ASTN1: variants seen among roughly 807,000 people sequenced by gnomAD.
The protein encoded by ASTN1 is astrotactin-1.
A neutral mutation model predicts 140.7 loss-of-function variants in ASTN1; 41 were observed. The ratio of observed to expected loss-of-function variants is 0.29; its 90% CI spans 0.23 to 0.38. ASTN1 has a LOEUF of 0.38. ASTN1 is among the 10% of genes least tolerant of loss of function. The pLI, the probability that ASTN1 is intolerant of heterozygous loss-of-function variation, is 1.00. For missense variants in ASTN1, 1,479 were observed against 1,678.8 expected (o/e 0.88, Z 2.08); for synonymous variants, 640 against 652.2 (o/e 0.98, Z 0.29).
rs78936500 is a variant in ASTN1 at position 177,091,319 on chromosome 1, A to T, written c.284-30054T>A. 7.7e-3 allele frequency among the ~76,000 whole-genome samples: 1,178 copies of T among 152,280 alleles called. 17 individuals are homozygous for T. The highest frequency in any genetic ancestry group is 0.027 in the African/African-American group (1,123 of 41,556). ...TTGACTCACATCAGGCTTCCTGTGA[A>T]CTAAAGCCTGGAATTATTTTTATAG... On this transcript the variant is annotated intron_variant, in intron 1 of 22. Coordinates refer to ENST00000361833, the MANE Select transcript of ASTN1 (RefSeq NM_004319.3).
At chr1:177,152,746 T>G (rs1335437800) in intron 1 of ASTN1, among the ~76,000 whole-genome samples, 1 of 152,116 alleles carries the variant, frequency 6.6e-6, no homozygotes, top group Non-Finnish European at 1.5e-5. Flanking sequence ...AGTTAAAGTT[T>G]ATACGGAAAA....
chr1:176,972,537 C>T (rs1313967061), intron 8 of ASTN1, among the ~76,000 whole-genome samples: 1 of 151,992 alleles, frequency 6.6e-6, no homozygotes, highest in Non-Finnish European at 1.5e-5. Flanking sequence ...CTCACTCTGT[C>T]ACCCATGCCA....
chr1:177,072,195 A>G (rs1423523599), intron 1 of ASTN1, among the ~76,000 whole-genome samples: 1 of 152,214 alleles, frequency 6.6e-6, no homozygotes, highest in Non-Finnish European at 1.5e-5. Context: ...TGAATTAGGT[A>G]TACAGAAGAT....
At chr1:176,910,562 C>G (rs1321057535) in intron 16 of ASTN1, among the ~76,000 whole-genome samples, 1 of 152,222 alleles carries the variant, frequency 6.6e-6, no homozygotes, top group East Asian at 1.9e-4. Flanking sequence ...AATATAAGCA[C>G]AGTCACACAT....
rs112390178 is a variant in ASTN1 at position 177,007,391 on chromosome 1, C to CAAA, written c.1523+7397_1523+7399dup. Among the ~76,000 whole-genome samples, 417 of 149,504 alleles carry CAAA rather than the reference C, an allele frequency of 2.8e-3. 3 individuals carry two copies. Among genetic ancestry groups the CAAA allele is most frequent in the African/African-American group, 9.2e-3 (375 of 40,910 alleles). On this transcript the variant is annotated intron_variant, in intron 8 of 22. Transcript: ENST00000361833. Reference sequence around the variant, plus strand: ...GGGCAACAAGAGTGAAATGCCGTCTCAAAAAAAAAATTAATAAAATGCAAG... The same window carrying CAAA: ...GGGCAACAAGAGTGAAATGCCGTCTCAAAAAAAAAAAAATTAATAAAATGCAAG...
At chr1:177,004,238 A>T (rs1379682168) in intron 8 of ASTN1, among the ~76,000 whole-genome samples, 4 of 152,114 alleles carry the variant, frequency 2.6e-5, no homozygotes, top group African/African-American at 4.8e-5. Flanking sequence ...CAAAAAAAAA[A>T]TACCTAGGAA....
chr1:177,077,459 G>A (rs778315739), intron 1 of ASTN1, among the ~76,000 whole-genome samples: 3 of 152,006 alleles, frequency 2.0e-5, no homozygotes, highest in Admixed American at 6.6e-5. Flanking sequence ...TGTCTTGAAC[G>A]GGTTATTTAA....
chr1:177,070,570 T>C (rs568729840), intron 1 of ASTN1, among the ~76,000 whole-genome samples: 64 of 50,096 alleles, frequency 1.3e-3, no homozygotes, highest in Admixed American at 3.8e-3. Flanking sequence ...AAGATTCAAC[T>C]CAACAAGTAA....
Position 176,884,490 on chromosome 1 carries a change from C to A in ASTN1, c.3075G>T (p.Val1025=). Residue 1025 remains valine, a splice_region_variant and synonymous_variant, in exon 19 of 23, where the codon GTG becomes GTT. Coordinates refer to ENST00000361833, the MANE Select transcript of ASTN1 (RefSeq NM_004319.3). ...LPTCAPLPQP[V]LRLSTVHEPS... is the part of the protein sequence containing the mutation. The stretch of plus-strand genomic sequence containing the variant: ...GCTCGTGAACCGTGGAGAGTCTCAG[C>A]CTGTGTGCAGACAGGAAGGAACATG... 1 of 1,607,614 alleles carries A rather than the reference C, an allele frequency of 6.2e-7. No homozygotes were observed.
chr1:177,151,811 C>T (rs996432155), intron 1 of ASTN1, among the ~76,000 whole-genome samples: 20 of 152,134 alleles, frequency 1.3e-4, no homozygotes, highest in African/African-American at 4.8e-4. Context: ...ACTCAATTAA[C>T]TCTGTAGCCC....
chr1:177,079,772 C>T (rs1248943435), intron 1 of ASTN1, among the ~76,000 whole-genome samples: 1 of 152,086 alleles, frequency 6.6e-6, no homozygotes, highest in Non-Finnish European at 1.5e-5. Context: ...CACACCCCCA[C>T]TGAAAAGATA....
At position 176,945,959 on chromosome 1, in the gene ASTN1, A is replaced by C; in HGVS notation, c.2216T>G (p.Val739Gly). 1 of 1,613,540 alleles carries C rather than the reference A, an allele frequency of 6.2e-7. No homozygotes were observed. Among genetic ancestry groups the C allele is most frequent in the Non-Finnish European group, 8.5e-7 (1 of 1,179,604 alleles). The change falls in exon 13 of 23, where the codon GTG (valine) becomes GGG (glycine). Residue 739 changes from valine (V) to glycine (G), a missense_variant. Val to Gly is a moderately radical substitution (Grantham distance 109, BLOSUM62 -3). Around this residue, in one of 3 missense-constraint regions of ASTN1, gnomAD observed 746 missense variants for 800.9 expected, o/e 0.93. Coordinates refer to ENST00000361833, the MANE Select transcript of ASTN1 (RefSeq NM_004319.3). Reference sequence around the variant, plus strand: ...TCCTTTCAGCACCTGTCCGGCAGCCACTTCCTTGGAATGGTTGTTGTAACC... The same window carrying C: ...TCCTTTCAGCACCTGTCCGGCAGCCCCTTCCTTGGAATGGTTGTTGTAACC... ...FFGYNNHSKE[V>G]AAGQVLKGTF...
In ASTN1 at chr1:177,009,014, C is replaced by T. The variant is rs141259636; in HGVS notation, c.1523+5777G>A. Among the ~76,000 whole-genome samples the T allele has an allele frequency of 8.5e-4, 130 of 152,254 alleles. No individual in the cohort carries two copies. In the Middle Eastern group the frequency reaches 0.034, roughly 40 times the overall value. ...GAAATAGGCAAAGAGTCAGAAATTT[C>T]CTATGTCACAGCAGACTGTCTGACC... On this transcript the variant is annotated intron_variant, in intron 8 of 22. Coordinates refer to ENST00000361833, the MANE Select transcript of ASTN1 (RefSeq NM_004319.3).
At chr1:176,912,871 A>T (rs1489501468) in intron 16 of ASTN1, among the ~76,000 whole-genome samples, 1 of 152,216 alleles carries the variant, frequency 6.6e-6, no homozygotes, top group Non-Finnish European at 1.5e-5. Context: ...TGTTTTCACA[A>T]GTCAAGCACA....
chr1:176,972,936 C>T (rs917855156), intron 8 of ASTN1, among the ~76,000 whole-genome samples: 1 of 152,026 alleles, frequency 6.6e-6, no homozygotes, highest in East Asian at 1.9e-4. Flanking sequence ...TATCCACTTC[C>T]CTCCTTGCTA....
rs540707293 is a variant in ASTN1, at chr1:176,885,322, T to A, written c.3075-832A>T. On this transcript the variant is annotated intron_variant, in intron 18 of 22. Transcript: ENST00000361833. Reference sequence around the variant, plus strand: ...CTTGCCTTGCCAGCTCATACCTCTCTGTACCTCGCAGAAACTTAATAATCC... The same window carrying A: ...CTTGCCTTGCCAGCTCATACCTCTCAGTACCTCGCAGAAACTTAATAATCC... 5.9e-5 allele frequency among the ~76,000 whole-genome samples: 9 copies of A among 152,328 alleles called. No homozygotes were observed. The East Asian group carries it at 1.7e-3, about 29-fold the overall frequency.
intron 7 of ASTN1, among the ~76,000 whole-genome samples, chr1:177,017,358 C>T (rs1478069881): frequency 1.3e-5 from 2 of 152,202 alleles, no homozygotes; most frequent in East Asian, 3.9e-4. Context: ...ATCCTTATTT[C>T]TGGAACCCAC....
At chr1:177,120,404 C>T (rs908828291) in intron 1 of ASTN1, among the ~76,000 whole-genome samples, 2 of 152,188 alleles carry the variant, frequency 1.3e-5, no homozygotes, top group Admixed American at 1.3e-4. Flanking sequence ...TTCTCCTCAC[C>T]TCACGCATCC....
chr1:176,907,396 G>A (rs1670049680), intron 16 of ASTN1, among the ~76,000 whole-genome samples: 1 of 152,188 alleles, frequency 6.6e-6, no homozygotes, highest in Non-Finnish European at 1.5e-5. Context: ...CAACTCCATT[G>A]TTGATGCAGC....
Sources: allele counts gnomAD v4.1 joint callset (sites outside exome capture counted in the v4.1 genomes callset), GRCh38; gene constraint gnomAD v4.1.1; regional missense constraint gnomAD v4.1.1; transcripts MANE v1.5; gene names NCBI Gene and HGNC (gene_info 2026-07-23, HGNC 2026-07-21).